Variants in THSD7A observed in about 807,000 individuals in gnomAD.
The protein encoded by THSD7A is thrombospondin type 1 domain containing 7A, also known as thrombospondin type-1 domain-containing protein 7A.
THSD7A carries 96 observed loss-of-function variants against 231.3 expected under a neutral mutation model. The observed-to-expected ratio is 0.41, with a 90% confidence interval of 0.35 to 0.49. The LOEUF (loss-of-function observed/expected upper bound fraction) is 0.49, where lower values mean the gene tolerates loss of function less well. Among genes scored for constraint, THSD7A ranks in the 20% least tolerant of loss-of-function variants. THSD7A has a pLI of 0.05. For missense variants in THSD7A, 2,290 were observed against 2,070.2 expected (o/e 1.11, Z -2.06); for synonymous variants, 940 against 743.3 (o/e 1.26, Z -4.30).
intron 1 of THSD7A, among the ~76,000 whole-genome samples, chr7:11,828,779 T>G (rs187881573): frequency 1.1e-3 from 167 of 152,226 alleles, no homozygotes; most frequent in Admixed American, 2.7e-3. Context: ...TAATAAGTAT[T>G]ATTCATGTAT....
intron 1 of THSD7A, among the ~76,000 whole-genome samples, chr7:11,695,457 A>T (rs1420285296): frequency 6.6e-6 from 1 of 151,532 alleles, no homozygotes; most frequent in Admixed American, 6.6e-5. Flanking sequence ...AAGAAAAACA[A>T]GCAAATATTG....
intron 7 of THSD7A, among the ~76,000 whole-genome samples, chr7:11,479,773 A>G (rs1026242226): frequency 1.3e-5 from 2 of 152,198 alleles, no homozygotes; most frequent in African/African-American, 4.8e-5. Context: ...TTGAAGTATA[A>G]ATTTCACATA....
At chr7:11,769,016 G>T (rs1326528628) in intron 1 of THSD7A, among the ~76,000 whole-genome samples, 4 of 147,488 alleles carry the variant, frequency 2.7e-5, no homozygotes, top group Admixed American at 6.9e-5. Context: ...GGAGTGCAAT[G>T]GTGCGATCTC....
intron 13 of THSD7A, among the ~76,000 whole-genome samples, chr7:11,442,285 T>C (rs1784829986): frequency 6.6e-6 from 1 of 151,926 alleles, no homozygotes; most frequent in African/African-American, 2.4e-5. Context: ...GCCTCAAGTT[T>C]AAGAAACTTA....
At chr7:11,775,766 C>T (rs1294283412) in intron 1 of THSD7A, among the ~76,000 whole-genome samples, 1 of 151,976 alleles carries the variant, frequency 6.6e-6, no homozygotes, top group Non-Finnish European at 1.5e-5. Flanking sequence ...GATGGTGTTG[C>T]ACAACAATGT....
intron 16 of THSD7A, among the ~76,000 whole-genome samples, chr7:11,419,721 T>C (rs1033792529): frequency 2.0e-5 from 3 of 152,164 alleles, no homozygotes; most frequent in African/African-American, 7.2e-5. Context: ...GACGGAACGT[T>C]TGGAACTTCC....
chr7:11,626,501 G>C (rs546098367), intron 2 of THSD7A, among the ~76,000 whole-genome samples: 3 of 152,072 alleles, frequency 2.0e-5, no homozygotes, highest in African/African-American at 7.2e-5. Flanking sequence ...TCCATGATGA[G>C]ATAATCATAC....
At chr7:11,733,138 C>A (rs997121958) in intron 1 of THSD7A, among the ~76,000 whole-genome samples, 1 of 151,812 alleles carries the variant, frequency 6.6e-6, no homozygotes, top group Non-Finnish European at 1.5e-5. Context: ...TTTCTTTCCT[C>A]TGCTGGGTCC....
intron 2 of THSD7A, among the ~76,000 whole-genome samples, chr7:11,603,101 TG>T (rs1236387009): frequency 2.0e-5 from 3 of 150,370 alleles, no homozygotes; most frequent in Non-Finnish European, 4.4e-5. Context: ...ACCTACAAAA[TG>T]GGAGAAAATT....
chr7:11,688,624 A>G (rs770613129), intron 1 of THSD7A, among the ~76,000 whole-genome samples: 5 of 151,874 alleles, frequency 3.3e-5, no homozygotes, highest in Admixed American at 6.6e-5. Flanking sequence ...TGTAGGGAAC[A>G]AGAAGAGAAG....
intron 6 of THSD7A, among the ~76,000 whole-genome samples, chr7:11,497,808 G>T (rs1787164096): frequency 6.6e-6 from 1 of 152,098 alleles, no homozygotes; most frequent in Non-Finnish European, 1.5e-5. Flanking sequence ...CTGACTCACA[G>T]AGAGGGAAGA....
intron 1 of THSD7A, among the ~76,000 whole-genome samples, chr7:11,773,443 T>A (rs1177452873): frequency 6.6e-6 from 1 of 152,106 alleles, no homozygotes; most frequent in South Asian, 2.1e-4. Context: ...GGCAGGAGAA[T>A]TGCTTGAACC....
intron 12 of THSD7A, 118 bp downstream of exon 12, chr7:11,447,112 C>T: frequency 1.1e-6 from 1 of 928,130 alleles, no homozygotes; most frequent in Non-Finnish European, 1.6e-6. Flanking sequence ...TTAAAATATA[C>T]ATCTAAATCC....
At chr7:11,564,694 G>C (rs1295174517) in intron 4 of THSD7A, among the ~76,000 whole-genome samples, 4 of 152,058 alleles carry the variant, frequency 2.6e-5, no homozygotes, top group Non-Finnish European at 5.9e-5. Context: ...ATATTCACTG[G>C]CCATTTTAGG....
At chr7:11,489,076 T>A (rs1052078934) in intron 6 of THSD7A, among the ~76,000 whole-genome samples, 18 of 152,270 alleles carry the variant, frequency 1.2e-4, no homozygotes, top group African/African-American at 4.3e-4. Flanking sequence ...TCACCTTTAC[T>A]TCCATTAGCC....
chr7:11,401,340 C>G (rs1487385787), intron 23 of THSD7A, among the ~76,000 whole-genome samples: 2 of 152,160 alleles, frequency 1.3e-5, no homozygotes, highest in Admixed American at 1.3e-4. Flanking sequence ...TTCCATCTTT[C>G]CAATCTTTAG....
chr7:11,639,977 T>C (rs962632618), intron 1 of THSD7A, among the ~76,000 whole-genome samples: 3 of 152,182 alleles, frequency 2.0e-5, no homozygotes, highest in African/African-American at 4.8e-5. Context: ...AAGTTCATTC[T>C]AAAATAAAAG....
At chr7:11,438,943 T>G (rs537820730) in intron 13 of THSD7A, among the ~76,000 whole-genome samples, 18 of 152,186 alleles carry the variant, frequency 1.2e-4, no homozygotes, top group African/African-American at 4.3e-4. Flanking sequence ...TATATTTTAA[T>G]ATTTTGGCTG....
chr7:11,584,150 C>G (rs936659130), intron 4 of THSD7A, among the ~76,000 whole-genome samples: 5 of 152,122 alleles, frequency 3.3e-5, no homozygotes, highest in Non-Finnish European at 7.3e-5. Context: ...CCATCCCCAC[C>G]CAAGGGCAAC....
Sources: allele counts gnomAD v4.1 joint callset (sites outside exome capture counted in the v4.1 genomes callset), GRCh38; gene constraint gnomAD v4.1.1; transcripts MANE v1.5; gene names NCBI Gene and HGNC (gene_info 2026-07-23, HGNC 2026-07-21).